The following SEMA4B variants were observed in gnomAD, a reference collection of about 807,000 sequenced individuals.
SEMA4B encodes semaphorin-4B.
In SEMA4B, 55 loss-of-function variants were observed where a neutral mutation model predicts 88.1. The observed-to-expected ratio is 0.62, with a 90% CI of 0.50 to 0.78. The LOEUF (loss-of-function observed/expected upper bound fraction) is 0.78. Among genes scored for constraint, SEMA4B ranks in the 30% least tolerant of loss-of-function variants. The pLI, the probability that SEMA4B is intolerant of heterozygous loss-of-function variation, is 0.00. For synonymous variants in SEMA4B, 525 were observed against 473.6 expected (o/e 1.11, Z -1.41); for missense variants, 1,062 against 1,111.9 (o/e 0.96, Z 0.64).
rs749810445 is a variant in SEMA4B at position 90,227,605 on chromosome 15, C to A, written c.1737C>A (p.Ser579Arg). ...GAGCCAGCGCCAAGGACCTTTGCAG[C>A]GCGTCTTCGGTTGTGTCCCCGTCTT... ...IEGASAKDLCSASSVVSPSFV... is the reference protein window; with the variant it reads ...IEGASAKDLCRASSVVSPSFV... The change falls in exon 13 of 14, where the codon AGC (serine) becomes AGA (arginine). Residue 579 changes from serine to arginine, a missense_variant. Ser to Arg is a moderately radical substitution (Grantham distance 110). Coordinates refer to ENST00000411539, the MANE Select transcript of SEMA4B (RefSeq NM_198925.4). 8.2e-5 allele frequency: 133 copies of A among 1,613,998 alleles called. 1 individual carries two copies. The Middle Eastern group carries it at 1.3e-3, about 16-fold the overall frequency.
intron 1 of SEMA4B, among the ~76,000 whole-genome samples, chr15:90,204,834 G>A (rs1276983222): frequency 6.6e-6 from 1 of 152,158 alleles, no homozygotes; most frequent in African/African-American, 2.4e-5. Context: ...GGAGTACAGT[G>A]ATGCCATCTC....
rs368778051 is a variant in SEMA4B at position 90,228,508 on chromosome 15, C to T, written c.2379C>T (p.Ser793=). 3 of 1,610,484 alleles carry T rather than the reference C, an allele frequency of 1.9e-6. No individual in the cohort carries two copies. The highest frequency in any genetic ancestry group is 2.7e-5 in the African/African-American group (2 of 74,968). Residue 793 remains serine (S), a synonymous_variant, in exon 14 of 14, where the codon AGC becomes AGT. Coordinates refer to ENST00000411539, the MANE Select transcript of SEMA4B (RefSeq NM_198925.4). The part of the protein sequence containing the change: ...DHRGYQSLSD[S]PPGSRVFTES... ...GAGGGTACCAGTCCCTGTCAGACAG[C>T]CCCCCGGGGTCCCGAGTCTTCACTG...
chr15:90,217,634 G>T, intron 2 of SEMA4B, 32 bp downstream of exon 2: 1 of 1,611,462 alleles, frequency 6.2e-7, no homozygotes, highest in Non-Finnish European at 8.5e-7. Flanking sequence ...TGGCTAGGCT[G>T]GGCAGAGGAC....
chr15:90,223,656 A>G lies in SEMA4B; in HGVS notation c.959A>G (p.Asn320Ser). ...CGGCCCGACGATGGCTTCCCCTTCA[A>G]CGTGCTGCAGGATGTCTTCACGCTG... ...CSRPDDGFPF[N>S]VLQDVFTLSP... The change falls in exon 8 of 14, where the codon AAC (asparagine) becomes AGC (serine). Residue 320 changes from asparagine (N) to serine (S), a missense_variant. Asn to Ser is a conservative substitution (Grantham distance 46). Coordinates refer to ENST00000411539, the MANE Select transcript of SEMA4B (RefSeq NM_198925.4). 3.1e-6 allele frequency: 5 copies of G among 1,613,624 alleles called. No individual in the cohort carries two copies. Among genetic ancestry groups the G allele is most frequent in the Non-Finnish European group, 4.2e-6 (5 of 1,179,780 alleles).
intron 1 of SEMA4B, among the ~76,000 whole-genome samples, chr15:90,186,358 G>A (rs1040100568): frequency 2.0e-5 from 3 of 152,150 alleles, no homozygotes; most frequent in South Asian, 2.1e-4. Flanking sequence ...GGTGGCTCAC[G>A]CCTGTAATCC....
intron 12 of SEMA4B, chr15:90,227,224 T>C: frequency 3.9e-6 from 1 of 256,562 alleles, no homozygotes; most frequent in Non-Finnish European, 7.5e-6. Context: ...ATTTTTCTAT[T>C]TTTTGTAGAG....
At chr15:90,200,342 T>C (rs1285427530), upstream of SEMA4B, among the ~76,000 whole-genome samples, 1 of 152,248 alleles carries the variant, frequency 6.6e-6, no homozygotes, top group African/African-American at 2.4e-5. Flanking sequence ...TTTCACTCTT[T>C]TGGACTCTTA....
In SEMA4B at chr15:90,223,639, C is replaced by T. The variant is rs369552245; in HGVS notation, c.942C>T (p.Asp314=). 5.6e-6 allele frequency: 9 copies of T among 1,613,614 alleles called. No homozygotes were observed. The highest frequency in any genetic ancestry group is 4.5e-5 in the East Asian group (2 of 44,874). The change falls in exon 8 of 14, where the codon GAC becomes GAT. Residue 314 remains aspartate (D), a synonymous_variant. Coordinates refer to ENST00000411539, the MANE Select transcript of SEMA4B (RefSeq NM_198925.4). ...LKAQLLCSRP[D]DGFPFNVLQD... Reference sequence around the variant, plus strand: ...CCCAGCTGCTGTGCTCACGGCCCGACGATGGCTTCCCCTTCAACGTGCTGC... The same window carrying T: ...CCCAGCTGCTGTGCTCACGGCCCGATGATGGCTTCCCCTTCAACGTGCTGC...
At chr15:90,206,270 G>C (rs1476783177) in intron 1 of SEMA4B, among the ~76,000 whole-genome samples, 2 of 152,144 alleles carry the variant, frequency 1.3e-5, no homozygotes, top group Non-Finnish European at 2.9e-5. Flanking sequence ...CCTGGGGATC[G>C]GGGCAACAGG....
intron 1 of SEMA4B, among the ~76,000 whole-genome samples, chr15:90,185,561 T>C (rs1296383071): frequency 6.6e-6 from 1 of 152,212 alleles, no homozygotes; most frequent in Non-Finnish European, 1.5e-5. Context: ...CAGTTGCGGC[T>C]ACTCGGGAGT....
rs184492748 is a variant in SEMA4B at position 90,207,662 on chromosome 15, G to A, written c.157+5927G>A. ...CTTTCCATTAGAACAGCTGCCTCCTGCTTCACCTGTGAATCGTACAAAAGC... is the reference window on the plus strand; with the variant it reads ...CTTTCCATTAGAACAGCTGCCTCCTACTTCACCTGTGAATCGTACAAAAGC... On this transcript the variant is annotated intron_variant, in intron 1 of 13. Coordinates refer to ENST00000411539, the MANE Select transcript of SEMA4B (RefSeq NM_198925.4). 2.6e-5 allele frequency among the ~76,000 whole-genome samples: 4 copies of A among 152,354 alleles called. No individual in the cohort carries two copies. The East Asian group carries it at 7.7e-4, about 29-fold the overall frequency.
At chr15:90,194,516 G>T (rs1024553760) in intron 1 of SEMA4B, among the ~76,000 whole-genome samples, 4 of 151,888 alleles carry the variant, frequency 2.6e-5, no homozygotes, top group African/African-American at 9.7e-5. Flanking sequence ...TGGGCAACAA[G>T]AGTGAAACAC....
chr15:90,200,145 G>C (rs534449314), upstream of SEMA4B, among the ~76,000 whole-genome samples: 1 of 152,346 alleles, frequency 6.6e-6, no homozygotes, highest in South Asian at 2.1e-4. Flanking sequence ...TGTGGGTGCT[G>C]TGCCCACCCT....
chr15:90,199,537 T>C (rs1436105161), upstream of SEMA4B, among the ~76,000 whole-genome samples: 1 of 151,986 alleles, frequency 6.6e-6, no homozygotes, highest in Admixed American at 6.6e-5. Context: ...GTAGAAATAT[T>C]GAGGCCGGGT....
chr15:90,195,938 C>CTTTTTTTTT (rs10530160), intron 1 of SEMA4B, among the ~76,000 whole-genome samples: 2 of 128,418 alleles, frequency 1.6e-5, no homozygotes, highest in African/African-American at 2.9e-5. Context: ...TTTTTTTTTT[C>CTTTTTTTTT]GAGACGGAGT....
At position 90,228,547 on chromosome 15, in the gene SEMA4B, G is replaced by T. The variant is rs1962326477; in HGVS notation, c.2418G>T (p.Arg806Ser). The change falls in exon 14 of 14, where the codon AGG becomes AGT. Residue 806 changes from arginine (R) to serine (S), a missense_variant. By Grantham distance (110) the Arg-to-Ser change is moderately radical. Coordinates refer to ENST00000411539, the MANE Select transcript of SEMA4B (RefSeq NM_198925.4). Reference sequence around the variant, plus strand: ...GAGTCTTCACTGAGTCAGAGAAGAGGCCACTCAGCATCCAAGACAGCTTCG... The same window carrying T: ...GAGTCTTCACTGAGTCAGAGAAGAGTCCACTCAGCATCCAAGACAGCTTCG... ...GSRVFTESEKRPLSIQDSFVE... is the reference protein window; with the variant it reads ...GSRVFTESEKSPLSIQDSFVE... 1.9e-6 allele frequency: 3 copies of T among 1,613,006 alleles called. No homozygotes were observed. Among genetic ancestry groups the T allele is most frequent in the Non-Finnish European group, 1.7e-6 (2 of 1,179,508 alleles).
Position 90,221,657 on chromosome 15 carries a change from C to T in SEMA4B, c.753C>T (p.Gly251=), listed in dbSNP as rs972142447. 8 of 1,614,066 alleles carry T rather than the reference C, an allele frequency of 5.0e-6. No homozygotes were observed. The highest frequency in any genetic ancestry group is 5.9e-6 in the Non-Finnish European group (7 of 1,179,904). ...CAGCCTACATTCCTGAGAGCCTGGG[C>T]AGCTTGCAAGGCGATGATGACAAGA... is the stretch of plus-strand genomic sequence containing the variant. ...VASAYIPESL[G]SLQGDDDKIY... is the part of the protein sequence containing the mutation. Residue 251 remains glycine (G), a synonymous_variant, in exon 7 of 14, where the codon GGC becomes GGT. Coordinates refer to ENST00000411539, the MANE Select transcript of SEMA4B (RefSeq NM_198925.4).
upstream of SEMA4B, among the ~76,000 whole-genome samples, chr15:90,199,721 G>A (rs941806352): frequency 6.6e-6 from 1 of 152,126 alleles, no homozygotes; most frequent in African/African-American, 2.4e-5. Context: ...AGCTACTCGG[G>A]AGGCTGAGGC....
rs1340442359 is a variant in SEMA4B, at chr15:90,201,344, T to G, written c.-235T>G. 8.2e-7 allele frequency: 1 copy of G among 1,218,048 alleles called. No homozygotes were observed. The highest frequency in any genetic ancestry group is 1.0e-6 in the Non-Finnish European group (1 of 977,880). The allele number at this position is 1,218,048 out of a possible 1,614,324, so 75.5% of individuals were successfully genotyped here. On this transcript the variant is annotated 5_prime_UTR_variant, in exon 1 of 14. Coordinates refer to ENST00000411539, the MANE Select transcript of SEMA4B (RefSeq NM_198925.4). ...CGCCCTCCGCCGCTTGCGGGTGAGC[T>G]CTGCCCAAGCCGAGGCTGCGGGGCC...
Sources: allele counts gnomAD v4.1 joint callset (sites outside exome capture counted in the v4.1 genomes callset), GRCh38; gene constraint gnomAD v4.1.1; transcripts MANE v1.5; gene names NCBI Gene and HGNC (gene_info 2026-07-23, HGNC 2026-07-21).